The following ZNF438 variants were observed in gnomAD, a reference collection of about 807,000 sequenced individuals.
ZNF438 encodes the protein zinc finger protein 438.
ZNF438 carries 25 observed loss-of-function variants against 38.0 expected under a neutral mutation model. The ratio of observed to expected loss-of-function variants is 0.66; its 90% CI spans 0.48 to 0.92. The LOEUF (loss-of-function observed/expected upper bound fraction) is 0.92, where lower values mean the gene tolerates loss of function less well. Among genes scored for constraint, ZNF438 ranks in the 40% least tolerant of loss-of-function variants. ZNF438 has a pLI of 0.00. For synonymous variants in ZNF438, 372 were observed against 364.1 expected, an observed-to-expected ratio of 1.02 and a Z score of -0.25; for missense variants, 1,007 against 999.6, an observed-to-expected ratio of 1.01 and a Z score of -0.10.
At chr10:30,934,585 T>C (rs915457545) in intron 2 of ZNF438, among the ~76,000 whole-genome samples, 3 of 152,248 alleles carry the variant, frequency 2.0e-5, no homozygotes, top group Non-Finnish European at 4.4e-5. Context: ...TTCAGAAACT[T>C]GTAAACATTT....
intron 2 of ZNF438, among the ~76,000 whole-genome samples, chr10:30,927,791 C>T (rs756819467): frequency 2.0e-5 from 3 of 152,174 alleles, no homozygotes; most frequent in Non-Finnish European, 2.9e-5. Flanking sequence ...CTTCTCAGGA[C>T]TTCAGTTCTT....
chr10:30,849,693 C>A (rs764577665), exon 5 of ZNF438: 1 of 1,614,180 alleles, frequency 6.2e-7, no homozygotes, highest in Non-Finnish European at 8.5e-7. Context: ...TGTGCTTTCC[C>A]TGAAAGAGCT....
chr10:30,906,391 T>C (rs2042588041), intron 3 of ZNF438, among the ~76,000 whole-genome samples: 1 of 152,226 alleles, frequency 6.6e-6, no homozygotes, highest in Admixed American at 6.5e-5. Context: ...CTTGGTAGTG[T>C]ATATAAATAC....
intron 1 of ZNF438, among the ~76,000 whole-genome samples, chr10:31,030,844 G>A (rs1420578473): frequency 2.0e-5 from 3 of 152,126 alleles, no homozygotes; most frequent in Non-Finnish European, 2.9e-5. Flanking sequence ...AGTACCCCTT[G>A]ACCAAAATAT....
chr10:30,979,452 C>T (rs568585109), intron 1 of ZNF438, among the ~76,000 whole-genome samples: 9 of 152,256 alleles, frequency 5.9e-5, no homozygotes, highest in African/African-American at 2.2e-4. Flanking sequence ...CCTGCATAGC[C>T]AAGACAATCC....
intron 3 of ZNF438, among the ~76,000 whole-genome samples, chr10:30,878,893 C>T (rs2038842942): frequency 6.6e-6 from 1 of 152,164 alleles, no homozygotes; most frequent in African/African-American, 2.4e-5. Context: ...CATTGCAAAT[C>T]TGACAAAGGG....
At chr10:30,947,570 G>A (rs1313078009) in intron 1 of ZNF438, among the ~76,000 whole-genome samples, 1 of 152,252 alleles carries the variant, frequency 6.6e-6, no homozygotes, top group Admixed American at 6.5e-5. Flanking sequence ...GAGCTTCCCG[G>A]CTGCTTTGTT....
intron 1 of ZNF438, among the ~76,000 whole-genome samples, chr10:31,018,714 A>G (rs747632967): frequency 3.3e-5 from 5 of 152,220 alleles, no homozygotes; most frequent in Non-Finnish European, 5.9e-5. Flanking sequence ...TCCTTGAAAC[A>G]AGAGAGAGAT....
At chr10:30,940,168 CTTAAT>C (rs1020872128) in intron 2 of ZNF438, among the ~76,000 whole-genome samples, 1 of 152,156 alleles carries the variant, frequency 6.6e-6, no homozygotes, top group African/African-American at 2.4e-5. Flanking sequence ...CCAGCACACT[CTTAAT>C]TTATTACATA....
At chr10:30,845,285 A>C (rs3740236) in exon 6 of ZNF438, 5 of 1,614,018 alleles carry the variant, frequency 3.1e-6, no homozygotes, top group Non-Finnish European at 4.2e-6. Context: ...TTGGACATGC[A>C]TGTGATTCCT....
intron 1 of ZNF438, among the ~76,000 whole-genome samples, chr10:31,026,287 T>A (rs139264768): frequency 0.01 from 1,529 of 152,130 alleles, 21 homozygotes; most frequent in African/African-American, 0.034. Context: ...GAAACTACCA[T>A]AAAGAGTGAA....
In ZNF438 at chr10:30,911,161, A is replaced by T. The variant is rs184356744; in HGVS notation, c.-114-2146T>A. Among the ~76,000 whole-genome samples, 846 of 152,272 alleles carry T rather than the reference A, an allele frequency of 5.6e-3. 6 individuals carry two copies. The highest frequency in any genetic ancestry group is 0.019 in the African/African-American group (784 of 41,546). On this transcript the variant is annotated intron_variant, in intron 2 of 5. Coordinates refer to ENST00000413025, the Ensembl canonical transcript of ZNF438. ...TCTATTTAGTAAGGTTTACAAAAAAATATAAAGCAAAAAAATCCCTTGGCC... is the reference window on the plus strand; with the variant it reads ...TCTATTTAGTAAGGTTTACAAAAAATTATAAAGCAAAAAAATCCCTTGGCC...
At chr10:30,905,870 C>T (rs768121659) in intron 3 of ZNF438, among the ~76,000 whole-genome samples, 31 of 152,156 alleles carry the variant, frequency 2.0e-4, no homozygotes, top group Non-Finnish European at 4.1e-4. Flanking sequence ...TATCAGTGTA[C>T]CATAGATGTA....
At chr10:30,862,003 G>C (rs185185818) in intron 4 of ZNF438, among the ~76,000 whole-genome samples, 197 of 152,198 alleles carry the variant, frequency 1.3e-3, no homozygotes, top group African/African-American at 4.5e-3. Flanking sequence ...TATTCTTTTT[G>C]TTGTTATTAT....
intron 1 of ZNF438, among the ~76,000 whole-genome samples, chr10:30,993,870 C>T (rs1395296905): frequency 6.6e-6 from 1 of 152,242 alleles, no homozygotes; most frequent in Non-Finnish European, 1.5e-5. Context: ...AACCCTGCAC[C>T]CGTGTGCCCA....
intron 1 of ZNF438, among the ~76,000 whole-genome samples, chr10:31,005,702 G>A (rs2055064350): frequency 6.6e-6 from 1 of 152,118 alleles, no homozygotes; most frequent in African/African-American, 2.4e-5. Flanking sequence ...TTGCTTGACT[G>A]TAGTATCCAC....
At chr10:31,010,483 T>C (rs560914914) in intron 1 of ZNF438, among the ~76,000 whole-genome samples, 1 of 152,360 alleles carries the variant, frequency 6.6e-6, no homozygotes, top group South Asian at 2.1e-4. Context: ...TTTAAATTTC[T>C]TGATCTTATT....
intron 1 of ZNF438, among the ~76,000 whole-genome samples, chr10:30,944,238 G>A (rs1427634975): frequency 1.3e-5 from 2 of 152,124 alleles, no homozygotes; most frequent in Non-Finnish European, 2.9e-5. Context: ...CAAATTCATT[G>A]TCCAGTCATC....
intron 1 of ZNF438, among the ~76,000 whole-genome samples, chr10:30,984,085 A>T (rs1014340990): frequency 2.0e-5 from 3 of 152,142 alleles, no homozygotes; most frequent in South Asian, 4.1e-4. Flanking sequence ...CTAATGCTCT[A>T]AATTTTGCTA....
Sources: gnomAD v4.1 joint callset for allele counts (sites outside exome capture counted in the v4.1 genomes callset) on GRCh38, gnomAD v4.1.1 for gene constraint, MANE v1.5 for transcripts, NCBI Gene and HGNC (gene_info 2026-07-23, HGNC 2026-07-21) for gene names.